PPME1: variants seen among roughly 807,000 people sequenced by gnomAD.
The protein encoded by PPME1 is protein phosphatase methylesterase 1, also known as testicular secretory protein Li 39.
Under a neutral mutation model 56.9 loss-of-function variants are expected in PPME1, and 17 were observed. That is an observed-to-expected ratio of 0.30 (90% CI 0.20 to 0.45). The LOEUF is 0.45. PPME1 is among the 20% of genes least tolerant of loss of function. The pLI is 1.00. For synonymous variants in PPME1, 122 were observed against 156.2 expected, an observed-to-expected ratio of 0.78 and a Z score of 1.63; for missense variants, 357 against 483.2, an observed-to-expected ratio of 0.74 and a Z score of 2.45.
At chr11:74,191,301 C>G (rs1419442297) in intron 1 of PPME1, among the ~76,000 whole-genome samples, 1 of 152,194 alleles carries the variant, frequency 6.6e-6, no homozygotes. Context: ...GATCATGCCA[C>G]TGCACTCTAG....
At chr11:74,202,306 G>A (rs1436458465) in intron 1 of PPME1, among the ~76,000 whole-genome samples, 1 of 152,132 alleles carries the variant, frequency 6.6e-6, no homozygotes, top group South Asian at 2.1e-4. Flanking sequence ...TGTTTCTAGA[G>A]GTGAGACCCA....
chr11:74,203,647 T>A, intron 1 of PPME1, 81 bp from the exon 2 acceptor site: 3 of 1,004,526 alleles, frequency 3.0e-6, no homozygotes, highest in Non-Finnish European at 4.5e-6. Flanking sequence ...CATTACTGAC[T>A]TACATTTAGC....
rs1354215914 is a variant in PPME1, at chr11:74,210,077, C to T, written c.288+5632C>T. Among the ~76,000 whole-genome samples, 13 of 152,100 alleles carry T rather than the reference C, an allele frequency of 8.5e-5. 1 individual carries two copies. Among genetic ancestry groups the T allele is most frequent in the Non-Finnish European group, 1.5e-4 (10 of 68,016 alleles). On this transcript the variant is annotated intron_variant, in intron 3 of 13. Coordinates refer to ENST00000328257, the MANE Select transcript of PPME1 (RefSeq NM_016147.3). ...ACCCCATCTCATTTATACATACATA[C>T]GTAAATATTCACTTGCTCATTCACC...
intron 3 of PPME1, chr11:74,204,980 TG>T (rs1319853540): frequency 6.6e-6 from 1 of 152,582 alleles, no homozygotes; most frequent in Non-Finnish European, 1.5e-5. Flanking sequence ...TCTGTTTTAA[TG>T]GGATATGACA....
chr11:74,193,810 C>G (rs1052170448), intron 1 of PPME1, among the ~76,000 whole-genome samples: 2 of 152,070 alleles, frequency 1.3e-5, no homozygotes, highest in African/African-American at 4.8e-5. Flanking sequence ...ATTCTAGGAG[C>G]TTGTTTCAAG....
At chr11:74,249,668 G>C (rs1004757518) in intron 11 of PPME1, 6 of 152,144 alleles carry the variant, frequency 3.9e-5, no homozygotes, top group Admixed American at 3.9e-4. Flanking sequence ...GGTCTTATTA[G>C]GGATATAGAG....
intron 9 of PPME1, 63 bp downstream of exon 9, chr11:74,239,319 G>T: frequency 6.4e-7 from 1 of 1,567,368 alleles, no homozygotes; most frequent in Non-Finnish European, 8.6e-7. Flanking sequence ...GTGTGTGGGT[G>T]GGAAGGGGTG....
At chr11:74,228,731 A>G (rs1286178638) in intron 5 of PPME1, among the ~76,000 whole-genome samples, 1 of 152,252 alleles carries the variant, frequency 6.6e-6, no homozygotes, top group Non-Finnish European at 1.5e-5. Context: ...TGATTAATAC[A>G]GAACCTTCTA....
At chr11:74,200,402 G>T (rs1035344632) in intron 1 of PPME1, among the ~76,000 whole-genome samples, 7 of 141,212 alleles carry the variant, frequency 5.0e-5, no homozygotes, top group Admixed American at 1.4e-4. Context: ...TGTGTGTGTG[G>T]ACGAAGTCTC....
Position 74,253,638 on chromosome 11 carries a change from C to A in PPME1, c.*128C>A. ...GTGACACTGGCTCCCGGTAGACGGG[C>A]ACCCCGAGATGTACCAACCTTTTCA... On this transcript the variant is annotated 3_prime_UTR_variant, in exon 14 of 14. Transcript: ENST00000328257. 1.9e-6 allele frequency: 2 copies of A among 1,075,614 alleles called. No homozygotes were observed. The highest frequency in any genetic ancestry group is 2.9e-6 in the Non-Finnish European group (2 of 701,726). The allele number at this position is 1,075,614 out of a possible 1,614,324, so 66.6% of individuals were successfully genotyped here. A position where few individuals can be genotyped will look rare whatever the true frequency, so the allele number is the denominator to read the frequency against.
intron 7 of PPME1, among the ~76,000 whole-genome samples, chr11:74,231,930 A>G (rs1014172160): frequency 3.3e-5 from 5 of 152,258 alleles, no homozygotes; most frequent in African/African-American, 4.8e-5. Flanking sequence ...TAAAGTATTT[A>G]TTAAACACTT....
In PPME1 at chr11:74,247,215, A is replaced by C. The variant is rs1435281200; in HGVS notation, c.1009+92A>C. The C allele has an allele frequency of 3.4e-6, 4 of 1,190,188 alleles. No homozygotes were observed. The East Asian group carries it at 9.9e-5, about 29-fold the overall frequency. 73.7% of individuals were successfully genotyped at this position (1,190,188 alleles called of 1,614,324 possible). Reference sequence around the variant, plus strand: ...CCTGAGATAGTGAGGTATAACGGAGAAAGCATGAGCTTTAGAGTCCGACCC... The same window carrying C: ...CCTGAGATAGTGAGGTATAACGGAGCAAGCATGAGCTTTAGAGTCCGACCC... On this transcript the variant is annotated intron_variant, in intron 11 of 13. Coordinates refer to ENST00000328257, the MANE Select transcript of PPME1 (RefSeq NM_016147.3).
chr11:74,239,830 T>G (rs1041524621), intron 9 of PPME1, among the ~76,000 whole-genome samples: 1 of 152,090 alleles, frequency 6.6e-6, no homozygotes, highest in African/African-American at 2.4e-5. Context: ...TCCACCCGCC[T>G]TGGCCTCCCA....
chr11:74,172,310 A>G lies in PPME1; in HGVS notation c.101+788A>G, dbSNP rs1857274309. Reference sequence around the variant, plus strand: ...TGGACAGGATAAGGGAGAGAGAAGAAGGAGAGAACTGAAGAATTTACAGAG... The same window carrying G: ...TGGACAGGATAAGGGAGAGAGAAGAGGGAGAGAACTGAAGAATTTACAGAG... On this transcript the variant is annotated intron_variant, in intron 1 of 13. Coordinates refer to ENST00000328257, the MANE Select transcript of PPME1 (RefSeq NM_016147.3). Among the ~76,000 whole-genome samples the G allele has an allele frequency of 2.6e-5, 4 of 151,938 alleles. No homozygotes were observed. In the South Asian group the frequency reaches 8.3e-4, roughly 31 times the overall value.
At chr11:74,178,505 GA>G (rs1157675828) in intron 1 of PPME1, among the ~76,000 whole-genome samples, 1 of 152,214 alleles carries the variant, frequency 6.6e-6, no homozygotes, top group Non-Finnish European at 1.5e-5. Flanking sequence ...AGGGAAGAGA[GA>G]GTGGGAAGTG....
chr11:74,244,368 C>G (rs866083972), intron 9 of PPME1, among the ~76,000 whole-genome samples: 8 of 152,186 alleles, frequency 5.3e-5, no homozygotes, highest in African/African-American at 1.9e-4. Context: ...ATTGGTTGAA[C>G]TATTTTACAA....
rs763251745 is a variant in PPME1, at chr11:74,237,275, C to CTT, written c.710+1326_710+1327dup. On this transcript the variant is annotated intron_variant, in intron 8 of 13. Transcript: ENST00000328257. ...CAGGAAGTACATAATGTCTGGTTGT[C>CTT]TTTTTTTTTTTTTTTTTTGAGACAG... Among the ~76,000 whole-genome samples, 154 of 128,004 alleles carry CTT rather than the reference C, an allele frequency of 1.2e-3. 2 individuals carry two copies. The highest frequency in any genetic ancestry group is 0.01 in the South Asian group (43 of 4,152). The allele number at this position is 128,004 out of a possible 152,430, so 84.0% of individuals were successfully genotyped here. A position where few individuals can be genotyped will look rare whatever the true frequency, so the allele number is the denominator to read the frequency against.
intron 11 of PPME1, chr11:74,249,718 A>G (rs1859604584): frequency 6.6e-6 from 1 of 152,212 alleles, no homozygotes; most frequent in Admixed American, 6.5e-5. Flanking sequence ...TATGGAAATG[A>G]CACACTCCTG....
intron 3 of PPME1, among the ~76,000 whole-genome samples, chr11:74,212,995 C>T (rs956930791): frequency 4.6e-5 from 7 of 152,256 alleles, no homozygotes; most frequent in African/African-American, 1.4e-4. Context: ...CTTCATGTTG[C>T]AGTTAGGTGC....
Sources: gnomAD v4.1 joint callset for allele counts (sites outside exome capture counted in the v4.1 genomes callset) on GRCh38, gnomAD v4.1.1 for gene constraint, MANE v1.5 for transcripts, NCBI Gene and HGNC (gene_info 2026-07-23, HGNC 2026-07-21) for gene names.